The following CD5 variants were observed in gnomAD, a reference collection of about 807,000 sequenced individuals.
The protein encoded by CD5 is CD5 molecule.
CD5 carries 36 observed loss-of-function variants against 60.3 expected under a neutral mutation model. The ratio of observed to expected loss-of-function variants is 0.60; its 90% CI spans 0.46 to 0.79. The LOEUF is 0.79. CD5 is among the 30% of genes least tolerant of loss of function. The probability of loss-of-function intolerance (pLI) is 0.00; values close to 1 mark genes in which losing one functional copy is unlikely to be tolerated. For synonymous variants in CD5, 230 were observed against 257.6 expected (o/e 0.89, Z 1.03); for missense variants, 540 against 630.6 (o/e 0.86, Z 1.54).
intron 2 of CD5, among the ~76,000 whole-genome samples, chr11:61,116,202 A>G (rs1860941240): frequency 6.6e-6 from 1 of 152,082 alleles, no homozygotes; most frequent in Non-Finnish European, 1.5e-5. Context: ...TCAGTGACAC[A>G]TTCATCCAGC....
Position 61,119,224 on chromosome 11 carries a change from C to A in CD5, c.464-10C>A. ...AGGGTGGCTCCCCCTCCTGCTCTCT[C>A]CTCTCCTAGCTCCTCCCAGGCTGCA... On this transcript the variant is annotated splice_polypyrimidine_tract_variant and intron_variant, in intron 4 of 10. Transcript: ENST00000347785. The A allele has an allele frequency of 6.3e-7, 1 of 1,578,436 alleles. No homozygotes were observed. Among genetic ancestry groups the A allele is most frequent in the South Asian group, 1.2e-5 (1 of 85,526 alleles).
At chr11:61,122,885 C>T in intron 6 of CD5, 22 bp from the exon 7 acceptor site, 1 of 1,604,738 alleles carries the variant, frequency 6.2e-7, no homozygotes, top group Non-Finnish European at 8.5e-7. Context: ...TGGGACTGAC[C>T]TAACTCTTCC....
chr11:61,101,544 A>G (rs1210045902), upstream of CD5, among the ~76,000 whole-genome samples: 1 of 151,962 alleles, frequency 6.6e-6, no homozygotes, highest in Admixed American at 6.6e-5. Flanking sequence ...CACAGAGATC[A>G]CACAAGTCAA....
chr11:61,116,786 ACACAC>A (rs1860970324), intron 2 of CD5, among the ~76,000 whole-genome samples: 1 of 141,050 alleles, frequency 7.1e-6, no homozygotes, highest in Non-Finnish European at 1.5e-5. Flanking sequence ...CACCACACAC[ACACAC>A]CACCTGCACA....
chr11:61,125,205 A>G, intron 9 of CD5, 54 bp downstream of exon 9: 1 of 1,607,692 alleles, frequency 6.2e-7, no homozygotes, highest in Non-Finnish European at 8.5e-7. Flanking sequence ...GCAGGCCGCC[A>G]AGGCAGGTCA....
intron 2 of CD5, among the ~76,000 whole-genome samples, chr11:61,116,771 C>T (rs865864758): frequency 3.0e-5 from 4 of 131,198 alleles, no homozygotes; most frequent in East Asian, 2.3e-4. Context: ...ACACACACCA[C>T]GCACCACCAC....
Position 61,102,559 on chromosome 11 carries a change from C to G in CD5, c.-2C>G, listed in dbSNP as rs886407701. 11 of 1,579,216 alleles carry G rather than the reference C, an allele frequency of 7.0e-6. No individual in the cohort carries two copies. The highest frequency in any genetic ancestry group is 1.8e-5 in the Admixed American group (1 of 55,756). ...GGCTGAGGCAAGAGAAGGCCAGAAA[C>G]CATGCCCATGGGGTCTCTGCAACCG... On this transcript the variant is annotated 5_prime_UTR_variant, in exon 1 of 11. Transcript: ENST00000347785.
At chr11:61,124,785 G>A (rs1861121610) in intron 8 of CD5, among the ~76,000 whole-genome samples, 1 of 151,830 alleles carries the variant, frequency 6.6e-6, no homozygotes, top group Admixed American at 6.6e-5. Flanking sequence ...CCGACTCACG[G>A]AAGGCCCCAC....
rs200138022 is a variant in CD5 at position 61,125,826 on chromosome 11, C to T, written c.1475C>T (p.Ala492Val). Residue 492 changes from alanine to valine, a missense_variant, in exon 10 of 11, where the codon GCT becomes GTT. Coordinates refer to ENST00000347785, the MANE Select transcript of CD5 (RefSeq NM_014207.4). The stretch of plus-strand genomic sequence containing the variant: ...GACAGTGACTATGATCTGCATGGGG[C>T]TCAGAGGCTGTAAAGGTGAGCCCGT... ...SSDSDYDLHG[A>V]QRL 31 of 1,609,988 alleles carry T rather than the reference C, an allele frequency of 1.9e-5. No homozygotes were observed. In the East Asian group the frequency reaches 6.7e-4, roughly 35 times the overall value.
At chr11:61,113,326 TCCCCAGCCACAG>T (rs1357078321) in intron 1 of CD5, among the ~76,000 whole-genome samples, 1 of 152,128 alleles carries the variant, frequency 6.6e-6, no homozygotes, top group East Asian at 1.9e-4. Context: ...TTAAACCTCT[TCCCCAGCCACAG>T]ATGAGCTGCT....
chr11:61,109,010 C>T (rs906579505), intron 1 of CD5, among the ~76,000 whole-genome samples: 1 of 152,138 alleles, frequency 6.6e-6, no homozygotes, highest in Non-Finnish European at 1.5e-5. Context: ...GGTGCAGGGG[C>T]GGCAGGACCT....
intron 1 of CD5, among the ~76,000 whole-genome samples, chr11:61,107,803 C>T (rs189100033): frequency 2.6e-5 from 4 of 152,250 alleles, no homozygotes; most frequent in Non-Finnish European, 4.4e-5. Context: ...GGGACAGATA[C>T]GGTAGGAATA....
chr11:61,110,913 C>T (rs954052858), intron 1 of CD5, among the ~76,000 whole-genome samples: 1 of 151,950 alleles, frequency 6.6e-6, no homozygotes, highest in South Asian at 2.1e-4. Flanking sequence ...ATGATGGTGA[C>T]GGTGATAGAG....
At chr11:61,123,179 C>G (rs939767574) in intron 7 of CD5, 147 bp downstream of exon 7, 2 of 920,064 alleles carry the variant, frequency 2.2e-6, no homozygotes, top group Non-Finnish European at 3.1e-6. Context: ...CCCTCTCCTG[C>G]CCATTAGCCA....
Position 61,118,921 on chromosome 11 carries a change from A to G in CD5, c.407A>G (p.Gln136Arg), listed in dbSNP as rs776014578. ...HSLGLTCLEP[Q>R]KTTPPTTRPP... ...CCAGAGTGTCTCATTGCAGAACCCC[A>G]GAAGACAACACCTCCAACGACAAGG... Residue 136 changes from glutamine to arginine, a missense_variant, in exon 4 of 11, where the codon CAG becomes CGG. Gln to Arg is a conservative substitution (Grantham distance 43). Transcript: ENST00000347785. This position sits in a 1 kb window ranked among gnomAD's most constrained non-coding sequence, Gnocchi z 4.7. 3.1e-6 allele frequency: 5 copies of G among 1,613,734 alleles called. No homozygotes were observed. The East Asian group carries it at 6.7e-5, about 22-fold the overall frequency.
At chr11:61,104,504 T>C (rs1230265117) in intron 1 of CD5, among the ~76,000 whole-genome samples, 1 of 152,134 alleles carries the variant, frequency 6.6e-6, no homozygotes, top group Non-Finnish European at 1.5e-5. Flanking sequence ...CCCTCCCAAC[T>C]GAATCCCATC....
Position 61,121,903 on chromosome 11 carries a change from A to G in CD5, c.1098A>G (p.Thr366=), listed in dbSNP as rs763265099. Residue 366 remains threonine, a splice_region_variant and synonymous_variant, in exon 6 of 11, where the codon ACA becomes ACG. Coordinates refer to ENST00000347785, the MANE Select transcript of CD5 (RefSeq NM_014207.4). The part of the protein sequence containing the change: ...RNSYCKKVFV[T]CQDPNPAGLA... ...CCTACTGCAAGAAGGTGTTTGTCAC[A>G]TGTGAGTTGGCCACAGCCCACAGTG... 5 of 1,533,560 alleles carry G rather than the reference A, an allele frequency of 3.3e-6. No individual in the cohort carries two copies. The East Asian group carries it at 1.2e-4, about 36-fold the overall frequency. The allele number at this position is 1,533,560 out of a possible 1,614,324, so 95.0% of individuals were successfully genotyped here. A position where few individuals can be genotyped will look rare whatever the true frequency, so the allele number is the denominator to read the frequency against.
rs1262902114 is a variant in CD5 at position 61,125,857 on chromosome 11, GC to G, written c.*2+18del. On this transcript the variant is annotated intron_variant, in intron 10 of 10. Coordinates refer to ENST00000347785, the MANE Select transcript of CD5 (RefSeq NM_014207.4). ...GGCTGTAAAGGTGAGCCCGTCTCCA[GC>G]CTGACCCCAGCACCCCAGGGTCCCC... The G allele has an allele frequency of 6.3e-7, 1 of 1,579,202 alleles. No individual in the cohort carries two copies. The highest frequency in any genetic ancestry group is 1.1e-5 in the South Asian group (1 of 87,872).
intron 1 of CD5, among the ~76,000 whole-genome samples, chr11:61,114,125 CA>C (rs900712893): frequency 3.8e-4 from 57 of 150,514 alleles, no homozygotes; most frequent in Admixed American, 3.2e-3. Context: ...ACAAAACAAA[CA>C]AAAAAAAACA....
Sources: allele counts gnomAD v4.1 joint callset (sites outside exome capture counted in the v4.1 genomes callset), GRCh38; gene constraint gnomAD v4.1.1; non-coding constraint Gnocchi (gnomAD v3.1); transcripts MANE v1.5; gene names NCBI Gene and HGNC (gene_info 2026-07-23, HGNC 2026-07-21).